Variants in IGFL2 observed in about 807,000 individuals in gnomAD.
The protein encoded by IGFL2 is IGF like family member 2, also known as insulin growth factor-like family member 2.
IGFL2 carries 7 observed loss-of-function variants against 13.9 expected under a neutral mutation model. The observed-to-expected ratio is 0.51, with a 90% CI of 0.29 to 0.95. IGFL2 has a LOEUF of 0.95. Ranked by LOEUF, IGFL2 falls within the 40% of genes least tolerant of loss-of-function variation. IGFL2 has a pLI of 0.08. For missense variants in IGFL2, 138 were observed against 147.8 expected (o/e 0.93, Z 0.34); for synonymous variants, 55 against 55.8 (o/e 0.99, Z 0.07).
chr19:46,205,095 A>G, the IGFL2 span, among the ~76,000 whole-genome samples: 2 of 152,174 alleles, frequency 1.3e-5, no homozygotes, highest in East Asian at 1.9e-4. Flanking sequence ...CATGAAATAA[A>G]TTTTATAACC....
chr19:46,173,157 C>A, the IGFL2 span, among the ~76,000 whole-genome samples: 3 of 152,198 alleles, frequency 2.0e-5, no homozygotes, highest in Non-Finnish European at 4.4e-5. Flanking sequence ...AAAATGTCTA[C>A]AGATGCTTAT....
chr19:46,082,211 C>CCTGGGA, the IGFL2 span, among the ~76,000 whole-genome samples: 1 of 152,158 alleles, frequency 6.6e-6, no homozygotes, highest in Non-Finnish European at 1.5e-5. Context: ...TTTTCTGTTT[C>CCTGGGA]CCCATACCTG....
At chr19:46,153,608 A>T (rs1467316697) in intron 1 of IGFL2, among the ~76,000 whole-genome samples, 1 of 152,064 alleles carries the variant, frequency 6.6e-6, no homozygotes, top group African/African-American at 2.4e-5. Context: ...AGAAGAAAGG[A>T]TAAGAAATAA....
chr19:46,198,809 C>T, the IGFL2 span, among the ~76,000 whole-genome samples: 1 of 152,302 alleles, frequency 6.6e-6, no homozygotes, highest in African/African-American at 2.4e-5. Flanking sequence ...GAGCTTCCGT[C>T]CCTCCTGTAC....
chr19:46,130,843 C>T, the IGFL2 span, among the ~76,000 whole-genome samples: 3 of 151,974 alleles, frequency 2.0e-5, no homozygotes, highest in Non-Finnish European at 4.4e-5. Flanking sequence ...AGATACTAAC[C>T]TTTTGTCTGT....
chr19:46,176,088 C>T, the IGFL2 span, among the ~76,000 whole-genome samples: 95 of 140,228 alleles, frequency 6.8e-4, no homozygotes, highest in South Asian at 4.1e-3. Context: ...CTCCTGACCT[C>T]GTGATCTGCC....
intron 1 of IGFL2, among the ~76,000 whole-genome samples, chr19:46,152,685 A>T (rs192723350): frequency 5.3e-5 from 8 of 152,300 alleles, no homozygotes; most frequent in African/African-American, 1.7e-4. Context: ...CCTAACTTTC[A>T]TGGCTTGAAC....
chr19:46,175,902 G>GC, the IGFL2 span, among the ~76,000 whole-genome samples: 11 of 148,780 alleles, frequency 7.4e-5, no homozygotes, highest in African/African-American at 2.2e-4. Context: ...GAGTTCAGTG[G>GC]CACAATCTCG....
chr19:46,083,844 G>C, the IGFL2 span, among the ~76,000 whole-genome samples: 2 of 152,156 alleles, frequency 1.3e-5, no homozygotes, highest in African/African-American at 4.8e-5. Context: ...CTGGAACAAA[G>C]TCCTCTGATC....
At chr19:46,161,001 G>A in intron 3 of IGFL2, 69 bp from the exon 4 acceptor site, 2 of 1,548,724 alleles carry the variant, frequency 1.3e-6, no homozygotes, top group South Asian at 1.1e-5. Flanking sequence ...ATCTCTAGCA[G>A]TTTCTCAAAT....
chr19:46,109,048 G>A, the IGFL2 span, among the ~76,000 whole-genome samples: 99 of 152,300 alleles, frequency 6.5e-4, 2 homozygotes, highest in African/African-American at 2.1e-3. Context: ...CTGGTCTCCC[G>A]AAGGAGTCCC....
At chr19:46,136,104 C>G in the IGFL2 span, among the ~76,000 whole-genome samples, 1 of 152,254 alleles carries the variant, frequency 6.6e-6, no homozygotes. Context: ...GAGGAGTTAT[C>G]TGAATTTCCC....
At chr19:46,198,006 C>A in the IGFL2 span, 1 of 78,776 alleles carries the variant, frequency 1.3e-5, no homozygotes, top group Non-Finnish European at 2.8e-5. Flanking sequence ...CCTCCCCCTC[C>A]CTCCCTCCCT....
At chr19:46,137,549 G>T in the IGFL2 span, 1 of 1,065,566 alleles carries the variant, frequency 9.4e-7, no homozygotes, top group South Asian at 1.2e-5. Context: ...AATGTCCATG[G>T]AATCGTCATC....
the IGFL2 span, among the ~76,000 whole-genome samples, chr19:46,186,494 A>G: frequency 6.6e-6 from 1 of 152,186 alleles, no homozygotes; most frequent in Non-Finnish European, 1.5e-5. Context: ...TCCTGCAGGG[A>G]AAGAGTGCTA....
the IGFL2 span, among the ~76,000 whole-genome samples, chr19:46,191,293 G>T: frequency 6.6e-6 from 1 of 152,122 alleles, no homozygotes; most frequent in African/African-American, 2.4e-5. Context: ...ACTGATTTGG[G>T]GTTGGGAGGC....
At chr19:46,095,011 A>G in the IGFL2 span, among the ~76,000 whole-genome samples, 3 of 152,156 alleles carry the variant, frequency 2.0e-5, no homozygotes, top group African/African-American at 7.2e-5. Context: ...TATCTTTATA[A>G]TAGAATGATT....
chr19:46,117,737 C>A, the IGFL2 span, among the ~76,000 whole-genome samples: 1 of 152,074 alleles, frequency 6.6e-6, no homozygotes, highest in Non-Finnish European at 1.5e-5. Context: ...CCTTAGCCTC[C>A]CAAAGTGGTG....
At chr19:46,183,181 G>T in the IGFL2 span, among the ~76,000 whole-genome samples, 1 of 152,068 alleles carries the variant, frequency 6.6e-6, no homozygotes, top group Non-Finnish European at 1.5e-5. Context: ...GACGGGGGAC[G>T]TGCCACATTT....
Sources: allele counts gnomAD v4.1 joint callset (sites outside exome capture counted in the v4.1 genomes callset), GRCh38; gene constraint gnomAD v4.1.1; transcripts MANE v1.5; gene names NCBI Gene and HGNC (gene_info 2026-07-23, HGNC 2026-07-21).